Variants in TOMM22 observed in about 807,000 individuals in gnomAD.
The protein encoded by TOMM22 is translocase of outer mitochondrial membrane 22, also known as mitochondrial import receptor subunit TOM22 homolog.
Under a neutral mutation model 17.1 loss-of-function variants are expected in TOMM22, and 3 were observed. That is an observed-to-expected ratio of 0.18 (90% confidence interval 0.08 to 0.45). The LOEUF (loss-of-function observed/expected upper bound fraction) is 0.45. Among genes scored for constraint, TOMM22 ranks in the 20% least tolerant of loss-of-function variants. The pLI, the probability that TOMM22 is intolerant of heterozygous loss-of-function variation, is 0.99. For synonymous variants in TOMM22, 91 were observed against 74.0 expected, an observed-to-expected ratio of 1.23 and a Z score of -1.18; for missense variants, 159 against 179.5, an observed-to-expected ratio of 0.89 and a Z score of 0.65.
Position 38,682,446 on chromosome 22 carries a change from G to C in TOMM22, c.236+5G>C. On this transcript the variant is annotated splice_donor_5th_base_variant and intron_variant, in intron 2 of 3. Transcript: ENST00000216034. The stretch of plus-strand genomic sequence containing the variant: ...TGTGGCTCAGAAAATGTACAGGTAA[G>C]GAACGAGGGCAAAGGCACTGGGTAC... 6.2e-7 allele frequency: 1 copy of C among 1,613,528 alleles called. No individual in the cohort carries two copies. Among genetic ancestry groups the C allele is most frequent in the South Asian group, 1.1e-5 (1 of 91,066 alleles).
rs2092488669 is a variant in TOMM22, at chr22:38,684,193, A to T, written c.*352A>T. 4.2e-6 allele frequency: 1 copy of T among 238,848 alleles called. No individual in the cohort carries two copies. The highest frequency in any genetic ancestry group is 8.1e-6 in the Non-Finnish European group (1 of 123,074). The allele number at this position is 238,848 out of a possible 1,614,324, so 14.8% of individuals were successfully genotyped here. On this transcript the variant is annotated 3_prime_UTR_variant, in exon 4 of 4. Coordinates refer to ENST00000216034, the MANE Select transcript of TOMM22 (RefSeq NM_020243.5). ...TGGGAGGGATGTGCCCCTGACCATT[A>T]ACGACTGTTTTTTTTTTTTTTTTTT...
At chr22:38,683,111 CA>C in intron 3 of TOMM22, 115 bp downstream of exon 3, 2 of 207,102 alleles carry the variant, frequency 9.7e-6, no homozygotes, top group South Asian at 4.8e-5. Flanking sequence ...ACAGTTTTTA[CA>C]TGGATGGTGG....
At chr22:38,683,364 G>A (rs1358220578) in intron 3 of TOMM22, among the ~76,000 whole-genome samples, 6 of 152,086 alleles carry the variant, frequency 3.9e-5, no homozygotes, top group Admixed American at 2.6e-4. Context: ...TAGATCCCTC[G>A]CATGCACTGT....
Position 38,682,354 on chromosome 22 carries a change from G to C in TOMM22, c.149G>C (p.Gly50Ala). ...GAGACCCTGTCGGAGAGACTATGGGGCCTGACGGAGATGTTTCCGGAGAGG... is the reference window on the plus strand; with the variant it reads ...GAGACCCTGTCGGAGAGACTATGGGCCCTGACGGAGATGTTTCCGGAGAGG... ...LDETLSERLW[G>A]LTEMFPERVR... Residue 50 changes from glycine to alanine, a missense_variant, in exon 2 of 4, where the codon GGC (glycine) becomes GCC (alanine). Physicochemically the swap from Gly to Ala is moderately conservative, Grantham distance 60 (BLOSUM62 0). Coordinates refer to ENST00000216034, the MANE Select transcript of TOMM22 (RefSeq NM_020243.5). 1 of 1,614,204 alleles carries C rather than the reference G, an allele frequency of 6.2e-7. No individual in the cohort carries two copies. Among genetic ancestry groups the C allele is most frequent in the Non-Finnish European group, 8.5e-7 (1 of 1,180,028 alleles).
Position 38,683,879 on chromosome 22 carries a change from T to C in TOMM22, c.*38T>C. 1 of 1,583,512 alleles carries C rather than the reference T, an allele frequency of 6.3e-7. No homozygotes were observed. Among genetic ancestry groups the C allele is most frequent in the South Asian group, 1.1e-5 (1 of 89,358 alleles). ...GTTTGAGCTGTCTCAGTGGGATAAG[T>C]TTGAAATTCAAGTGTTTGAACTGCT... On this transcript the variant is annotated 3_prime_UTR_variant, in exon 4 of 4. Transcript: ENST00000216034.
chr22:38,683,734 A>T, intron 3 of TOMM22, 33 bp from the exon 4 acceptor site: 1 of 1,576,926 alleles, frequency 6.3e-7, no homozygotes, highest in Non-Finnish European at 8.7e-7. Context: ...CTAGGCCTGT[A>T]TGATGCCTTA....
rs1214570913 is a variant in TOMM22, at chr22:38,683,819, C to T, written c.407C>T (p.Pro136Leu). The change falls in exon 4 of 4, where the codon CCC becomes CTC. Residue 136 changes from proline to leucine, a missense_variant. Around this residue, in one of 3 missense-constraint regions of TOMM22, gnomAD observed 33 missense variants for 34.7 expected, o/e 0.95. Transcript: ENST00000216034. ...GLSGGMPGAL[P>L]SLPGKI ...TCAGGAGGAATGCCAGGGGCTCTACCCTCACTTCCTGGAAAGATCTAGATT... is the reference window on the plus strand; with the variant it reads ...TCAGGAGGAATGCCAGGGGCTCTACTCTCACTTCCTGGAAAGATCTAGATT... The T allele has an allele frequency of 6.2e-7, 1 of 1,613,834 alleles. No individual in the cohort carries two copies. The highest frequency in any genetic ancestry group is 8.5e-7 in the Non-Finnish European group (1 of 1,179,926).
In TOMM22 at chr22:38,682,458, A is replaced by T; in HGVS notation, c.236+17A>T. ...AATGTACAGGTAAGGAACGAGGGCA[A>T]AGGCACTGGGTACGTGCATGGGATG... On this transcript the variant is annotated intron_variant, in intron 2 of 3. Transcript: ENST00000216034. The T allele has an allele frequency of 6.2e-7, 1 of 1,607,468 alleles. No homozygotes were observed. Among genetic ancestry groups the T allele is most frequent in the Non-Finnish European group, 8.5e-7 (1 of 1,173,956 alleles).
At position 38,682,984 on chromosome 22, in the gene TOMM22, G is replaced by A; in HGVS notation, c.342G>A (p.Leu114=). The A allele has an allele frequency of 6.2e-7, 1 of 1,613,686 alleles. No individual in the cohort carries two copies. The highest frequency in any genetic ancestry group is 8.5e-7 in the Non-Finnish European group (1 of 1,179,728). The change falls in exon 3 of 4, where the codon CTG becomes CTA. Residue 114 remains leucine, a synonymous_variant. Transcript: ENST00000216034. ...TGCAAATGGAGCAACAGCAGCAACT[G>A]CAGCAGCGGCAGGTGAGCCCAGACC... ...EKLQMEQQQQ[L]QQRQILLGPN...
rs758537384 is a variant in TOMM22 at position 38,684,200 on chromosome 22, G to GTT, written c.*376_*377dup. The GTT allele has an allele frequency of 2.8e-3, 362 of 131,352 alleles. No homozygotes were observed. Among genetic ancestry groups the GTT allele is most frequent in the South Asian group, 8.7e-3 (40 of 4,624 alleles). The allele number at this position is 131,352 out of a possible 1,614,324, so 8.1% of individuals were successfully genotyped here. ...GATGTGCCCCTGACCATTAACGACT[G>GTT]TTTTTTTTTTTTTTTTTTAAAGAAT... is the stretch of plus-strand genomic sequence containing the variant. On this transcript the variant is annotated 3_prime_UTR_variant, in exon 4 of 4. Transcript: ENST00000216034.
chr22:38,683,055 C>T, intron 3 of TOMM22, 59 bp downstream of exon 3: 1 of 1,277,500 alleles, frequency 7.8e-7, no homozygotes. Flanking sequence ...TTCACTAACA[C>T]ATTGGTCCCC....
chr22:38,683,141 T>TGGGGGGGGGGG, intron 3 of TOMM22, 145 bp downstream of exon 3: 3 of 21,858 alleles, frequency 1.4e-4, no homozygotes, highest in South Asian at 4.3e-4. Context: ...TGGCCGGGGG[T>TGGGGGGGGGGG]CGGGGGGGGG....
Position 38,683,165 on chromosome 22 carries a change from C to G in TOMM22, c.354+169C>G, listed in dbSNP as rs576461362. On this transcript the variant is annotated intron_variant, in intron 3 of 3. Transcript: ENST00000216034. ...GTCGGGGGGGGGGTTCTGGATGATT[C>G]AAGTGCATTACATTTATTGTGCACT... Among the ~76,000 whole-genome samples the G allele has an allele frequency of 1.1e-4, 16 of 149,116 alleles. 1 individual carries two copies. In the East Asian group the frequency reaches 2.0e-3, roughly 19 times the overall value.
rs2092490176 is a variant in TOMM22 at position 38,684,525 on chromosome 22, A to T, written c.*684A>T. The T allele has an allele frequency of 6.6e-6, 1 of 152,208 alleles. No homozygotes were observed. The highest frequency in any genetic ancestry group is 6.5e-5 in the Admixed American group (1 of 15,268). The allele number at this position is 152,208 out of a possible 1,614,324, so 9.4% of individuals were successfully genotyped here. On this transcript the variant is annotated 3_prime_UTR_variant, in exon 4 of 4. Transcript: ENST00000216034. ...GTACCTTGAAATGAGACCACGTCAGAGACATGTACTGCCCCTCACATTTTC... is the reference window on the plus strand; with the variant it reads ...GTACCTTGAAATGAGACCACGTCAGTGACATGTACTGCCCCTCACATTTTC...
rs2092482874 is a variant in TOMM22 at position 38,682,730 on chromosome 22, C to T, written c.237-149C>T. On this transcript the variant is annotated intron_variant, in intron 2 of 3. Coordinates refer to ENST00000216034, the MANE Select transcript of TOMM22 (RefSeq NM_020243.5). ...CAGCTACCATAGCTGCTCCTCCTGTCTCTGGTAGGAGTATGGTGTAAGGAG... is the reference window on the plus strand; with the variant it reads ...CAGCTACCATAGCTGCTCCTCCTGTTTCTGGTAGGAGTATGGTGTAAGGAG... 6.8e-6 allele frequency: 5 copies of T among 739,260 alleles called. No homozygotes were observed. In the African/African-American group the frequency reaches 7.0e-5, roughly 10 times the overall value. The allele number at this position is 739,260 out of a possible 1,614,324, so 45.8% of individuals were successfully genotyped here.
chr22:38,682,610 G>A (rs532090325), intron 2 of TOMM22, among the ~76,000 whole-genome samples, 169 bp downstream of exon 2: 107 of 152,012 alleles, frequency 7.0e-4, no homozygotes, highest in Non-Finnish European at 1.2e-3. Flanking sequence ...TGGCAGGGGA[G>A]TTGTGGGGGT....
intron 1 of TOMM22, 67 bp downstream of exon 1, chr22:38,682,162 A>G: frequency 6.6e-7 from 1 of 1,521,250 alleles, no homozygotes; most frequent in Non-Finnish European, 8.9e-7. Flanking sequence ...TCCGCGTGGT[A>G]CGGGATCGGA....
In TOMM22 at chr22:38,682,919, A is replaced by G; in HGVS notation, c.277A>G (p.Met93Val). The change falls in exon 3 of 4, where the codon ATG (methionine) becomes GTG (valine). Residue 93 changes from methionine (M) to valine (V), a missense_variant. Transcript: ENST00000216034. The stretch of plus-strand genomic sequence containing the variant: ...CTTGTGGATTGGGACCACTTCCTTT[A>G]TGATCCTGGTTCTTCCCGTTGTCTT... ...AALWIGTTSF[M>V]ILVLPVVFET... 1 of 1,613,584 alleles carries G rather than the reference A, an allele frequency of 6.2e-7. No homozygotes were observed. Among genetic ancestry groups the G allele is most frequent in the Non-Finnish European group, 8.5e-7 (1 of 1,179,870 alleles).
chr22:38,683,408 A>G (rs3827357), intron 3 of TOMM22, among the ~76,000 whole-genome samples: 44,707 of 152,002 alleles, frequency 0.29, 6,657 homozygotes, highest in East Asian at 0.36. Context: ...AGAATCTAAC[A>G]CTGCTGCTGA....
Sources: gnomAD v4.1 joint callset for allele counts (sites outside exome capture counted in the v4.1 genomes callset) on GRCh38, gnomAD v4.1.1 for gene constraint, gnomAD v4.1.1 regional missense constraint, MANE v1.5 for transcripts, NCBI Gene and HGNC (gene_info 2026-07-23, HGNC 2026-07-21) for gene names.